The following MARCHF4 variants were observed in gnomAD, a reference collection of about 807,000 sequenced individuals.
MARCHF4 encodes E3 ubiquitin-protein ligase MARCHF4.
Under a neutral mutation model 43.9 loss-of-function variants are expected in MARCHF4, and 14 were observed. The ratio of observed to expected loss-of-function variants is 0.32; its 90% confidence interval spans 0.21 to 0.50. The LOEUF is 0.50. Ranked by LOEUF, MARCHF4 falls within the 20% of genes least tolerant of loss-of-function variation. MARCHF4 has a pLI of 0.98. For synonymous variants in MARCHF4, 226 were observed against 213.3 expected (o/e 1.06, Z -0.52); for missense variants, 468 against 536.7 (o/e 0.87, Z 1.27).
chr2:216,324,020 C>T, intron 1 of MARCHF4, among the ~76,000 whole-genome samples: 1 of 151,806 alleles, frequency 6.6e-6, no homozygotes, highest in South Asian at 2.1e-4. Flanking sequence ...ATTAATGAAT[C>T]CAGGAGCTGG....
At chr2:216,325,194 A>C (rs545234704) in intron 1 of MARCHF4, among the ~76,000 whole-genome samples, 3 of 152,362 alleles carry the variant, frequency 2.0e-5, no homozygotes, top group Non-Finnish European at 4.4e-5. Flanking sequence ...GAGCCAGATC[A>C]TGAGTGAACT....
rs1458503072 is a variant in MARCHF4, at chr2:216,322,910, A to G, written c.517-39181T>C. Among the ~76,000 whole-genome samples, 4 of 152,362 alleles carry G rather than the reference A, an allele frequency of 2.6e-5. No individual in the cohort carries two copies. In the East Asian group the frequency reaches 5.8e-4, roughly 22 times the overall value. ...TTGTTGAACATGGAAACATTATACC[A>G]TAAGATGTCCTGTTAGAAAACAAAG... On this transcript the variant is annotated intron_variant, in intron 1 of 3. Transcript: ENST00000273067.
intron 1 of MARCHF4, among the ~76,000 whole-genome samples, chr2:216,341,292 T>C (rs1692232089): frequency 2.0e-5 from 3 of 152,230 alleles, no homozygotes; most frequent in Admixed American, 6.5e-5. Flanking sequence ...CGTGAATGAC[T>C]GTACTTTGGC....
intron 1 of MARCHF4, among the ~76,000 whole-genome samples, chr2:216,291,525 T>C (rs201451867): frequency 6.6e-6 from 1 of 152,284 alleles, no homozygotes; most frequent in South Asian, 2.1e-4. Flanking sequence ...ATGGCTCATC[T>C]GTGAAACTGA....
intron 3 of MARCHF4, among the ~76,000 whole-genome samples, chr2:216,277,264 CTG>C (rs879291296): frequency 2.0e-5 from 3 of 152,108 alleles, no homozygotes; most frequent in Admixed American, 2.0e-4. Context: ...TCAACCATGG[CTG>C]TCTCTAGGTA....
intron 2 of MARCHF4, among the ~76,000 whole-genome samples, chr2:216,278,071 T>C (rs1488717289): frequency 6.6e-6 from 1 of 152,164 alleles, no homozygotes; most frequent in Non-Finnish European, 1.5e-5. Context: ...CACCAAATGA[T>C]CACAGTTCAT....
chr2:216,358,008 G>A (rs972627568), intron 1 of MARCHF4, among the ~76,000 whole-genome samples: 3 of 152,144 alleles, frequency 2.0e-5, no homozygotes, highest in East Asian at 1.9e-4. Context: ...AAACAATAGC[G>A]AGCTTGTGAG....
chr2:216,343,340 C>T (rs1692262371), intron 1 of MARCHF4, among the ~76,000 whole-genome samples: 1 of 152,180 alleles, frequency 6.6e-6, no homozygotes, highest in Non-Finnish European at 1.5e-5. Context: ...AGCTTGCAGA[C>T]AGCTTCCCTC....
At chr2:216,344,097 G>A (rs183614272) in intron 1 of MARCHF4, among the ~76,000 whole-genome samples, 1 of 152,248 alleles carries the variant, frequency 6.6e-6, no homozygotes, top group East Asian at 1.9e-4. Context: ...GTTTTCAGAA[G>A]ATAGTCTTAC....
chr2:216,302,475 G>A (rs1203181632), intron 1 of MARCHF4, among the ~76,000 whole-genome samples: 3 of 150,644 alleles, frequency 2.0e-5, no homozygotes, highest in African/African-American at 7.3e-5. Context: ...TGATCCACCC[G>A]CCTCTGCCTC....
At chr2:216,331,153 C>T (rs1337877030) in intron 1 of MARCHF4, among the ~76,000 whole-genome samples, 1 of 151,922 alleles carries the variant, frequency 6.6e-6, no homozygotes. Context: ...AGAGGAAAAG[C>T]ACAAATTACC....
chr2:216,278,597 T>A (rs1691073330), intron 2 of MARCHF4, among the ~76,000 whole-genome samples: 1 of 152,142 alleles, frequency 6.6e-6, no homozygotes, highest in South Asian at 2.1e-4. Context: ...TGCACAGGCT[T>A]TTTTGTTTTT....
At chr2:216,327,836 T>C (rs1692019670) in intron 1 of MARCHF4, among the ~76,000 whole-genome samples, 1 of 152,054 alleles carries the variant, frequency 6.6e-6, no homozygotes, top group African/African-American at 2.4e-5. Flanking sequence ...CTCATTGTTC[T>C]ACAGGTGTGA....
chr2:216,364,984 C>CCATACCATGGTATGTGAGCTTCCATA (rs1163076428), intron 1 of MARCHF4, among the ~76,000 whole-genome samples: 3 of 152,214 alleles, frequency 2.0e-5, no homozygotes, highest in Non-Finnish European at 2.9e-5. Context: ...ATGTGAGCTT[C>CCATACCATGGTATGTGAGCTTCCATA]CATTTATACT....
At chr2:216,347,467 A>G (rs2105977455) in intron 1 of MARCHF4, among the ~76,000 whole-genome samples, 1 of 152,298 alleles carries the variant, frequency 6.6e-6, no homozygotes, top group African/African-American at 2.4e-5. Flanking sequence ...TCTTGAATCC[A>G]TCCGTTTCTC....
chr2:216,281,711 C>T (rs1440032239), intron 2 of MARCHF4, among the ~76,000 whole-genome samples: 1 of 152,156 alleles, frequency 6.6e-6, no homozygotes, highest in Non-Finnish European at 1.5e-5. Flanking sequence ...AGTGAGATGG[C>T]ATTTACTGAG....
intron 1 of MARCHF4, among the ~76,000 whole-genome samples, chr2:216,312,882 T>G (rs1485022354): frequency 1.4e-5 from 2 of 147,544 alleles, no homozygotes; most frequent in Non-Finnish European, 3.0e-5. Context: ...GCTTTTTTGG[T>G]TTAACTAAGT....
intron 1 of MARCHF4, among the ~76,000 whole-genome samples, chr2:216,324,012 T>C (rs1691947772): frequency 6.6e-6 from 1 of 151,690 alleles, no homozygotes; most frequent in African/African-American, 2.4e-5. Flanking sequence ...TTCAAAAAAT[T>C]AATGAATCCA....
intron 1 of MARCHF4, among the ~76,000 whole-genome samples, chr2:216,339,185 C>A (rs978972517): frequency 2.0e-5 from 3 of 152,202 alleles, no homozygotes; most frequent in African/African-American, 7.2e-5. Context: ...CACCAATCCC[C>A]CCTTTCCTGG....
Sources: gnomAD v4.1 joint callset for allele counts (sites outside exome capture counted in the v4.1 genomes callset) on GRCh38, gnomAD v4.1.1 for gene constraint, MANE v1.5 for transcripts, NCBI Gene and HGNC (gene_info 2026-07-23, HGNC 2026-07-21) for gene names.